Variants in CELSR3 observed in about 807,000 individuals in gnomAD.
CELSR3 encodes the protein EGF-like protein 1.
In CELSR3, 73 loss-of-function variants were observed where a neutral mutation model predicts 270.0. That is an observed-to-expected ratio of 0.27 (90% CI 0.22 to 0.33). The LOEUF (loss-of-function observed/expected upper bound fraction) is 0.33. Among genes scored for constraint, CELSR3 ranks in the 10% least tolerant of loss-of-function variants. CELSR3 has a pLI of 1.00. For missense variants in CELSR3, 3,614 were observed against 4,533.8 expected, an observed-to-expected ratio of 0.80 and a Z score of 5.83; for synonymous variants, 1,780 against 1,905.4, an observed-to-expected ratio of 0.93 and a Z score of 1.71.
In CELSR3 at chr3:48,643,865, C is replaced by CA. The variant is rs2047053121; in HGVS notation, c.8166-189dup. The CA allele has an allele frequency of 4.5e-6, 3 of 668,316 alleles. No individual in the cohort carries two copies. The Admixed American group carries it at 8.9e-5, about 20-fold the overall frequency. 41.4% of individuals were successfully genotyped at this position (668,316 alleles called of 1,614,324 possible). A position where few individuals can be genotyped will look rare whatever the true frequency, so the allele number is the denominator to read the frequency against. ...TCCCACAAAGAAACAGGAGAGCAGTCAAAGAGCCATGAGGACACGTGGGGA... is the reference window on the plus strand; with the variant it reads ...TCCCACAAAGAAACAGGAGAGCAGTCAAAAGAGCCATGAGGACACGTGGGGA... On this transcript the variant is annotated intron_variant, in intron 27 of 34. Coordinates refer to ENST00000164024, the MANE Select transcript of CELSR3 (RefSeq NM_001407.3).
Position 48,650,154 on chromosome 3 carries a change from G to A in CELSR3, c.6472+326C>T, listed in dbSNP as rs2047124049. ...CTGGGGTACTCAGATAGCCAGAAGG[G>A]GCCTGCAGGGACTTTAGGCAGCAGG... is the stretch of plus-strand genomic sequence containing the variant. On this transcript the variant is annotated intron_variant, in intron 16 of 34. Coordinates refer to ENST00000164024, the MANE Select transcript of CELSR3 (RefSeq NM_001407.3). This position sits in a 1 kb window ranked among gnomAD's most constrained non-coding sequence, Gnocchi z 5.1. 1 of 491,110 alleles carries A rather than the reference G, an allele frequency of 2.0e-6. No homozygotes were observed. The highest frequency in any genetic ancestry group is 4.0e-6 in the Non-Finnish European group (1 of 250,586). 30.4% of individuals were successfully genotyped at this position (491,110 alleles called of 1,614,324 possible).
chr3:48,655,980 CG>C lies in CELSR3; in HGVS notation c.4626-130del. 1 of 1,103,756 alleles carries C rather than the reference CG, an allele frequency of 9.1e-7. No homozygotes were observed. Among genetic ancestry groups the C allele is most frequent in the Non-Finnish European group, 1.3e-6 (1 of 760,804 alleles). The allele number at this position is 1,103,756 out of a possible 1,614,324, so 68.4% of individuals were successfully genotyped here. ...AGCGACGAGGGACGGCGGGACCGAC[CG>C]GGGGGACGCGGGTGCAGCGAGGTCA... On this transcript the variant is annotated intron_variant, in intron 3 of 34. Coordinates refer to ENST00000164024, the MANE Select transcript of CELSR3 (RefSeq NM_001407.3). The surrounding 1 kb of genome is among the most constrained non-coding windows in gnomAD (Gnocchi z 5.8).
chr3:48,662,150 A>G lies in CELSR3; in HGVS notation c.485T>C (p.Val162Ala). ...GGGCGAGCTGTTCCCCGAGCCCGGG[A>G]CCCCTGAGGACAGAGCCCCTGGTGA... ...SLSPGALSSG[V>A]PGSGNSSPLP... is the part of the protein sequence containing the mutation. Residue 162 changes from valine (V) to alanine (A), a missense_variant, in exon 1 of 35, where the codon GTC becomes GCC. Around this residue, in one of 7 missense-constraint regions of CELSR3, gnomAD observed 470 missense variants for 469.7 expected, o/e 1.00. Transcript: ENST00000164024. This position sits in a 1 kb window ranked among gnomAD's most constrained non-coding sequence, Gnocchi z 7.1. The G allele has an allele frequency of 6.2e-7, 1 of 1,612,290 alleles. No individual in the cohort carries two copies. Among genetic ancestry groups the G allele is most frequent in the Non-Finnish European group, 8.5e-7 (1 of 1,179,324 alleles).
At position 48,642,139 on chromosome 3, in the gene CELSR3, G is replaced by A. The variant is rs376729798; in HGVS notation, c.8666-130C>T. 3.2e-6 allele frequency: 3 copies of A among 934,596 alleles called. No homozygotes were observed. Among genetic ancestry groups the A allele is most frequent in the East Asian group, 2.7e-5 (1 of 37,100 alleles). 57.9% of individuals were successfully genotyped at this position (934,596 alleles called of 1,614,324 possible). On this transcript the variant is annotated intron_variant, in intron 31 of 34. Coordinates refer to ENST00000164024, the MANE Select transcript of CELSR3 (RefSeq NM_001407.3). The surrounding 1 kb of genome is among the most constrained non-coding windows in gnomAD (Gnocchi z 6.1). ...GGGGACAGGAACCGGGGCTTGAAGTGGAGGTAGCAGCAGAAGGGCTGGGAC... is the reference window on the plus strand; with the variant it reads ...GGGGACAGGAACCGGGGCTTGAAGTAGAGGTAGCAGCAGAAGGGCTGGGAC...
chr3:48,640,868 T>C lies in CELSR3; in HGVS notation c.9026-309A>G. 2 of 473,110 alleles carry C rather than the reference T, an allele frequency of 4.2e-6. No individual in the cohort carries two copies. Among genetic ancestry groups the C allele is most frequent in the South Asian group, 3.3e-5 (1 of 29,896 alleles). 29.3% of individuals were successfully genotyped at this position (473,110 alleles called of 1,614,324 possible). A position where few individuals can be genotyped will look rare whatever the true frequency, so the allele number is the denominator to read the frequency against. On this transcript the variant is annotated intron_variant, in intron 33 of 34. Transcript: ENST00000164024. The surrounding 1 kb of genome is among the most constrained non-coding windows in gnomAD (Gnocchi z 7.5). ...AGGGGCAGCCCTCAGGTCCTGACAA[T>C]GCAGGCCTGGCTGAAATGCAGGAAC...
chr3:48,662,552 G>A lies in CELSR3; in HGVS notation c.83C>T (p.Pro28Leu), dbSNP rs373519763. 2 of 1,587,592 alleles carry A rather than the reference G, an allele frequency of 1.3e-6. No homozygotes were observed. Among genetic ancestry groups the A allele is most frequent in the East Asian group, 2.2e-5 (1 of 44,612 alleles). ...GCCCCCCAGCTCCTCCTGGCTGAGG[G>A]GGAACAAAGAGAGGAGAAGGAGCAG... ...ILLLLLLSLF[P>L]LSQEELGGGG... Residue 28 changes from proline (P) to leucine (L), a missense_variant, in exon 1 of 35, where the codon CCC (proline) becomes CTC (leucine). Transcript: ENST00000164024. The surrounding 1 kb of genome is among the most constrained non-coding windows in gnomAD (Gnocchi z 7.1).
Position 48,659,261 on chromosome 3 carries a change from G to A in CELSR3, c.3374C>T (p.Thr1125Met), listed in dbSNP as rs770801944. The A allele has an allele frequency of 7.4e-6, 12 of 1,614,170 alleles. No homozygotes were observed. The highest frequency in any genetic ancestry group is 1.7e-5 in the Admixed American group (1 of 60,026). Residue 1125 changes from threonine to methionine, a missense_variant, in exon 1 of 35, where the codon ACG (threonine) becomes ATG (methionine). Thr to Met is a moderately conservative substitution (Grantham distance 81). Transcript: ENST00000164024. This position sits in a 1 kb window ranked among gnomAD's most constrained non-coding sequence, Gnocchi z 8.1. The stretch of plus-strand genomic sequence containing the variant: ...CTCATAGTCTAGGTCAATGAGTGCC[G>A]TCAGTTCTCCAGAGAAGATGTCCAT... ...FQMDIFSGELTALIDLDYEAR... is the reference protein window; with the variant it reads ...FQMDIFSGELMALIDLDYEAR...
Position 48,648,249 on chromosome 3 carries a change from C to CCCCCCCCCCCCAAA in CELSR3, c.6973+16_6973+17insTTTGGGGGGGGGGG. On this transcript the variant is annotated intron_variant, in intron 19 of 34. Transcript: ENST00000164024. The stretch of plus-strand genomic sequence containing the variant: ...GGCCCCCCTGCTGTGCCCCGCCCTA[C>CCCCCCCCCCCCAAA]CCCACCCACAACGCACTGATATTAG... 2 of 728,356 alleles carry CCCCCCCCCCCCAAA rather than the reference C, an allele frequency of 2.7e-6. No homozygotes were observed. The highest frequency in any genetic ancestry group is 4.6e-6 in the Non-Finnish European group (2 of 433,732). The allele number at this position is 728,356 out of a possible 1,614,324, so 45.1% of individuals were successfully genotyped here. A position where few individuals can be genotyped will look rare whatever the true frequency, so the allele number is the denominator to read the frequency against.
In CELSR3 at chr3:48,649,195, C is replaced by G. The variant is rs1229957428; in HGVS notation, c.6493G>C (p.Asp2165His). The G allele has an allele frequency of 6.2e-7, 1 of 1,610,630 alleles. No homozygotes were observed. The highest frequency in any genetic ancestry group is 8.5e-7 in the Non-Finnish European group (1 of 1,178,728). The change falls in exon 17 of 35, where the codon GAT becomes CAT. Residue 2165 changes from aspartate to histidine, a missense_variant. Asp to His is a moderately conservative substitution (Grantham distance 81, BLOSUM62 -1). Coordinates refer to ENST00000164024, the MANE Select transcript of CELSR3 (RefSeq NM_001407.3). ...GGCTCCAGCCAACCCTGGGCCTCAT[C>G]ACACAGCCGCACAGCAGCACCTGGA... ...GALGAAVRLCDEAQGWLEPDL... is the reference protein window; with the variant it reads ...GALGAAVRLCHEAQGWLEPDL...
Position 48,661,075 on chromosome 3 carries a change from C to G in CELSR3, c.1560G>C (p.Gln520His), listed in dbSNP as rs1357116180. The change falls in exon 1 of 35, where the codon CAG (glutamine) becomes CAC (histidine). Residue 520 changes from glutamine to histidine, a missense_variant. Physicochemically the swap from Gln to His is conservative, Grantham distance 24. This residue lies in a region of CELSR3 where 354 missense variants were observed against 500.9 expected (regional missense o/e 0.71). Coordinates refer to ENST00000164024, the MANE Select transcript of CELSR3 (RefSeq NM_001407.3). ...ELVVEASDQG[Q>H]EPGPRSATVR... is the part of the protein sequence containing the mutation. The stretch of plus-strand genomic sequence containing the variant: ...CAGTGGCCGAGCGCGGCCCGGGTTC[C>G]TGGCCCTGGTCGCTGGCTTCCACCA... 1 of 1,613,546 alleles carries G rather than the reference C, an allele frequency of 6.2e-7. No individual in the cohort carries two copies. Among genetic ancestry groups the G allele is most frequent in the Non-Finnish European group, 8.5e-7 (1 of 1,180,016 alleles).
rs1049673639 is a variant in CELSR3, at chr3:48,658,411, C to T, written c.3748+476G>A. On this transcript the variant is annotated intron_variant, in intron 1 of 34. Transcript: ENST00000164024. This position sits in a 1 kb window ranked among gnomAD's most constrained non-coding sequence, Gnocchi z 4.7. ...CAGGGTCTCAGGCCCTACGAAGCCA[C>T]TGTCCACCTGAAGCTTCCATAGTAA... 6.6e-5 allele frequency among the ~76,000 whole-genome samples: 10 copies of T among 152,254 alleles called. No individual in the cohort carries two copies. Among genetic ancestry groups the T allele is most frequent in the African/African-American group, 2.2e-4 (9 of 41,460 alleles).
Position 48,643,804 on chromosome 3 carries a change from T to G in CELSR3, c.8166-127A>C. On this transcript the variant is annotated intron_variant, in intron 27 of 34. Coordinates refer to ENST00000164024, the MANE Select transcript of CELSR3 (RefSeq NM_001407.3). Reference sequence around the variant, plus strand: ...AAAAAAAGGAACTCACACGGGAACATGGAGGTCTCTGGAGGACACTGGGGG... The same window carrying G: ...AAAAAAAGGAACTCACACGGGAACAGGGAGGTCTCTGGAGGACACTGGGGG... 4 of 1,046,886 alleles carry G rather than the reference T, an allele frequency of 3.8e-6. No individual in the cohort carries two copies. In the South Asian group the frequency reaches 6.7e-5, roughly 18 times the overall value. 64.8% of individuals were successfully genotyped at this position (1,046,886 alleles called of 1,614,324 possible). A position where few individuals can be genotyped will look rare whatever the true frequency, so the allele number is the denominator to read the frequency against.
chr3:48,660,184 C>T lies in CELSR3; in HGVS notation c.2451G>A (p.Leu817=). 1 of 1,614,058 alleles carries T rather than the reference C, an allele frequency of 6.2e-7. No homozygotes were observed. Among genetic ancestry groups the T allele is most frequent in the Non-Finnish European group, 8.5e-7 (1 of 1,180,022 alleles). Residue 817 remains leucine, a synonymous_variant, in exon 1 of 35, where the codon CTG becomes CTA. Coordinates refer to ENST00000164024, the MANE Select transcript of CELSR3 (RefSeq NM_001407.3). The surrounding 1 kb of genome is among the most constrained non-coding windows in gnomAD (Gnocchi z 5.5). The part of the protein sequence containing the change: ...QGGVGLVTLA[L]PLDYKQERYF... Reference sequence around the variant, plus strand: ...AGCGTTCCTGCTTGTAGTCCAGTGGCAGAGCCAGAGTCACCAGACCCACAC... The same window carrying T: ...AGCGTTCCTGCTTGTAGTCCAGTGGTAGAGCCAGAGTCACCAGACCCACAC...
rs1349979647 is a variant in CELSR3, at chr3:48,639,376, C to T, written c.9911+298G>A. 6.6e-5 allele frequency among the ~76,000 whole-genome samples: 10 copies of T among 152,222 alleles called. No individual in the cohort carries two copies. The highest frequency in any genetic ancestry group is 1.3e-4 in the Non-Finnish European group (9 of 68,040). On this transcript the variant is annotated intron_variant, in intron 34 of 34. Transcript: ENST00000164024. The surrounding 1 kb of genome is among the most constrained non-coding windows in gnomAD (Gnocchi z 4.1). ...CATCTCCCACTTCTAGGCCTCAGCT[C>T]CTGCCCTCCCATTCGCTAGCTCAGC...
At position 48,639,767 on chromosome 3, in the gene CELSR3, G is replaced by C. The variant is rs755076639; in HGVS notation, c.9818C>G (p.Thr3273Ser). 2 of 1,613,706 alleles carry C rather than the reference G, an allele frequency of 1.2e-6. No homozygotes were observed. The highest frequency in any genetic ancestry group is 1.7e-6 in the Non-Finnish European group (2 of 1,180,012). The change falls in exon 34 of 35, where the codon ACT becomes AGT. Residue 3273 changes from threonine to serine, a missense_variant. By Grantham distance (58) the Thr-to-Ser change is moderately conservative. Around this residue, in one of 7 missense-constraint regions of CELSR3, gnomAD observed 1,240 missense variants for 1,351.7 expected, o/e 0.92. Transcript: ENST00000164024. This position sits in a 1 kb window ranked among gnomAD's most constrained non-coding sequence, Gnocchi z 4.1. ...SSSTPLGPHT[T>S]ATPSATASVL... ...AGAGGCTGTGGCAGAAGGTGTGGCA[G>C]TGGTGTGAGGGCCCAAGGGTGTGCT... is the stretch of plus-strand genomic sequence containing the variant.
rs111437449 is a variant in CELSR3, at chr3:48,646,689, G to A, written c.7295+74C>T. The A allele has an allele frequency of 8.3e-6, 12 of 1,440,414 alleles. No homozygotes were observed. The highest frequency in any genetic ancestry group is 1.3e-5 in the South Asian group (1 of 77,956). 89.2% of individuals were successfully genotyped at this position (1,440,414 alleles called of 1,614,324 possible). A position where few individuals can be genotyped will look rare whatever the true frequency, so the allele number is the denominator to read the frequency against. On this transcript the variant is annotated intron_variant, in intron 21 of 34. Transcript: ENST00000164024. The surrounding 1 kb of genome is among the most constrained non-coding windows in gnomAD (Gnocchi z 4.8). ...TCCTCTCTGTGTGTTGTGAACCTAC[G>A]CATCTACCCACCAAAAAAGGGGCTG... is the stretch of plus-strand genomic sequence containing the variant.
Position 48,641,805 on chromosome 3 carries a change from A to T in CELSR3, c.8824+46T>A. ...AGATGGGGAGCTGGAGGGATAACAA[A>T]TGGGGCATCCCTTGGTCACCCAAGG... On this transcript the variant is annotated intron_variant, in intron 32 of 34. Transcript: ENST00000164024. The surrounding 1 kb of genome is among the most constrained non-coding windows in gnomAD (Gnocchi z 4.8). 1 of 1,422,114 alleles carries T rather than the reference A, an allele frequency of 7.0e-7. No homozygotes were observed. Among genetic ancestry groups the T allele is most frequent in the Non-Finnish European group, 9.2e-7 (1 of 1,083,070 alleles). The allele number at this position is 1,422,114 out of a possible 1,614,324, so 88.1% of individuals were successfully genotyped here. A position where few individuals can be genotyped will look rare whatever the true frequency, so the allele number is the denominator to read the frequency against.
chr3:48,644,567 G>T lies in CELSR3; in HGVS notation c.8085+149C>A, dbSNP rs532062481. On this transcript the variant is annotated intron_variant, in intron 26 of 34. Transcript: ENST00000164024. The surrounding 1 kb of genome is among the most constrained non-coding windows in gnomAD (Gnocchi z 4.8). ...CCATCTCCATGCCAGTTGAATGGGG[G>T]TGGCTACTGACCAGAGGACAGAAAA... 5.5e-5 allele frequency: 37 copies of T among 676,298 alleles called. No homozygotes were observed. Among genetic ancestry groups the T allele is most frequent in the Admixed American group, 1.6e-4 (6 of 38,078 alleles). The allele number at this position is 676,298 out of a possible 1,614,324, so 41.9% of individuals were successfully genotyped here.
At position 48,646,013 on chromosome 3, in the gene CELSR3, C is replaced by T; in HGVS notation, c.7463+77G>A. The T allele has an allele frequency of 3.1e-6, 5 of 1,588,556 alleles. No homozygotes were observed. Among genetic ancestry groups the T allele is most frequent in the Non-Finnish European group, 4.3e-6 (5 of 1,164,074 alleles). ...TTGCACAACAGCACTAGTGGGGGCC[C>T]CAGGGGAAGGCTGGGACTATTAGTT... On this transcript the variant is annotated intron_variant, in intron 22 of 34. Transcript: ENST00000164024. This position sits in a 1 kb window ranked among gnomAD's most constrained non-coding sequence, Gnocchi z 4.8.
Sources: gnomAD v4.1 joint callset for allele counts (sites outside exome capture counted in the v4.1 genomes callset) on GRCh38, gnomAD v4.1.1 for gene constraint, gnomAD v4.1.1 regional missense constraint, Gnocchi (gnomAD v3.1) non-coding constraint, MANE v1.5 for transcripts, NCBI Gene and HGNC (gene_info 2026-07-23, HGNC 2026-07-21) for gene names.